Variants in POM121C observed in about 807,000 individuals in gnomAD.
The protein encoded by POM121C is nuclear envelope pore membrane protein POM 121C.
A neutral mutation model predicts 66.4 loss-of-function variants in POM121C; 20 were observed. The ratio of observed to expected loss-of-function variants is 0.30; its 90% CI spans 0.21 to 0.44. The LOEUF is 0.44. Ranked by LOEUF, POM121C falls within the 20% of genes least tolerant of loss-of-function variation. POM121C has a pLI of 1.00. For missense variants in POM121C, 580 were observed against 1,225.7 expected (o/e 0.47, Z 7.87); for synonymous variants, 286 against 528.0 (o/e 0.54, Z 6.28).
intron 1 of POM121C, among the ~76,000 whole-genome samples, chr7:75,484,509 A>G (rs1792434746): frequency 6.6e-6 from 1 of 152,066 alleles, no homozygotes; most frequent in Non-Finnish European, 1.5e-5. Flanking sequence ...ACTTAAAAAT[A>G]ACAAAAAAAA....
Position 75,418,406 on chromosome 7 carries a change from C to A in POM121C, c.*390G>T. 1 of 1,015,868 alleles carries A rather than the reference C, an allele frequency of 9.8e-7. No individual in the cohort carries two copies. The highest frequency in any genetic ancestry group is 1.2e-6 in the Non-Finnish European group (1 of 849,696). The allele number at this position is 1,015,868 out of a possible 1,614,324, so 62.9% of individuals were successfully genotyped here. Reference sequence around the variant, plus strand: ...TTTCCCAAATCCCATCAGGTGCACACCACCGATCCAGGCGGGCTGGACCCT... The same window carrying A: ...TTTCCCAAATCCCATCAGGTGCACAACACCGATCCAGGCGGGCTGGACCCT... On this transcript the variant is annotated 3_prime_UTR_variant, in exon 15 of 15. Coordinates refer to ENST00000615331, the MANE Select transcript of POM121C (RefSeq NM_001099415.3).
intron 3 of POM121C, among the ~76,000 whole-genome samples, chr7:75,468,126 T>TAAAAAAAAAAA (rs368723160): frequency 4.7e-5 from 3 of 64,348 alleles, no homozygotes; most frequent in African/African-American, 7.8e-5. Flanking sequence ...AGACTCTGTC[T>TAAAAAAAAAAA]AAAAAAAAAA....
rs587775408 is a variant in POM121C at position 75,423,945 on chromosome 7, C to G, written c.1048+104G>C. On this transcript the variant is annotated intron_variant, in intron 12 of 14. Coordinates refer to ENST00000615331, the MANE Select transcript of POM121C (RefSeq NM_001099415.3). ...GTGTGCTGAGCCAGGGTGCGTTCGG[C>G]CTGCAGAGCAATCTCCAGCGACTGA... The G allele has an allele frequency of 8.7e-5, 132 of 1,521,868 alleles. No homozygotes were observed. In the South Asian group the frequency reaches 1.5e-3, roughly 17 times the overall value. 94.3% of individuals were successfully genotyped at this position (1,521,868 alleles called of 1,614,324 possible).
chr7:75,467,442 G>A (rs1426847602), intron 3 of POM121C, among the ~76,000 whole-genome samples: 1 of 141,242 alleles, frequency 7.1e-6, no homozygotes, highest in Non-Finnish European at 1.5e-5. Context: ...TGAGGCAGGA[G>A]AATGGTGTGA....
intron 1 of POM121C, among the ~76,000 whole-genome samples, chr7:75,484,840 C>G (rs1792456828): frequency 6.6e-6 from 1 of 151,968 alleles, no homozygotes; most frequent in Non-Finnish European, 1.5e-5. Context: ...CATTATACGG[C>G]TCATGTTTTT....
intron 12 of POM121C, among the ~76,000 whole-genome samples, chr7:75,423,628 C>T (rs587695793): frequency 5.2e-4 from 79 of 152,028 alleles, no homozygotes; most frequent in African/African-American, 1.7e-3. Context: ...GAGGTGTGCG[C>T]GCGCAGTGCC....
Position 75,424,068 on chromosome 7 carries a change from C to T in POM121C, c.1029G>A (p.Pro343=), listed in dbSNP as rs781955462. Residue 343 remains proline, a synonymous_variant, in exon 12 of 15, where the codon CCG becomes CCA. Transcript: ENST00000615331. ...GCTCACCTGGGCAGGGTGGCAGGCTCGGGGGAGTCTGCATCTTCTTCAAGC... is the reference window on the plus strand; with the variant it reads ...GCTCACCTGGGCAGGGTGGCAGGCTTGGGGGAGTCTGCATCTTCTTCAAGC... ...LESLKKMQTP[P]SLPPCPESAG... 7.4e-6 allele frequency: 12 copies of T among 1,611,514 alleles called. No individual in the cohort carries two copies. The highest frequency in any genetic ancestry group is 2.2e-5 in the South Asian group (2 of 90,968).
chr7:75,442,161 C>T (rs1554474112), intron 3 of POM121C: 10 of 1,327,376 alleles, frequency 7.5e-6, no homozygotes, highest in Non-Finnish European at 9.7e-6. Flanking sequence ...GAAGGCCTCC[C>T]GGAGGGTCGG....
At chr7:75,485,599 G>A (rs1792499825) in intron 1 of POM121C, among the ~76,000 whole-genome samples, 1 of 152,162 alleles carries the variant, frequency 6.6e-6, no homozygotes, top group South Asian at 2.1e-4. Context: ...GAGAGGAGGA[G>A]GAAGGACTGT....
intron 10 of POM121C, 131 bp from the exon 11 acceptor site, chr7:75,424,759 G>C: frequency 2.2e-6 from 3 of 1,353,230 alleles, no homozygotes; most frequent in Non-Finnish European, 3.2e-6. Context: ...AGGAGTTTGA[G>C]GCTGGCCTGG....
chr7:75,425,271 T>C (rs1789896132), intron 9 of POM121C, 76 bp from the exon 10 acceptor site: 5 of 936,350 alleles, frequency 5.3e-6, no homozygotes, highest in Non-Finnish European at 7.8e-6. Context: ...CCACTTCGCA[T>C]TTCACACTGA....
chr7:75,422,041 G>T lies in POM121C; in HGVS notation c.2211C>A (p.Ala737=), dbSNP rs117499978. 1 of 1,612,590 alleles carries T rather than the reference G, an allele frequency of 6.2e-7. No homozygotes were observed. Among genetic ancestry groups the T allele is most frequent in the African/African-American group, 1.3e-5 (1 of 74,936 alleles). ...GTGTGGGTGCAGTAGCCGGGGCCGG[G>T]GCTGCAGAGTTTCCAAAAGTGAAAG... The part of the protein sequence containing the change: ...GSSFTFGNSA[A]PAPATAPTPA... Residue 737 remains alanine (A), a synonymous_variant, in exon 13 of 15, where the codon GCC becomes GCA. Coordinates refer to ENST00000615331, the MANE Select transcript of POM121C (RefSeq NM_001099415.3).
At chr7:75,469,406 T>A (rs1457459231) in intron 3 of POM121C, among the ~76,000 whole-genome samples, 10 of 152,144 alleles carry the variant, frequency 6.6e-5, no homozygotes, top group African/African-American at 2.4e-4. Context: ...CCAGGTCTAC[T>A]TTCAAAATAC....
At chr7:75,438,368 C>A (rs1325738111) in intron 6 of POM121C, among the ~76,000 whole-genome samples, 3 of 152,224 alleles carry the variant, frequency 2.0e-5, no homozygotes. Flanking sequence ...TTTCAAGGGA[C>A]AGTCCTTTGG....
At chr7:75,468,759 T>G (rs144718784) in intron 3 of POM121C, among the ~76,000 whole-genome samples, 3,174 of 152,230 alleles carry the variant, frequency 0.021, 52 homozygotes, top group Non-Finnish European at 0.031. Flanking sequence ...CAGTGGGTCA[T>G]GCCTATAATC....
intron 6 of POM121C, among the ~76,000 whole-genome samples, chr7:75,438,388 G>A (rs1353308907): frequency 1.3e-5 from 2 of 152,126 alleles, no homozygotes; most frequent in African/African-American, 4.8e-5. Flanking sequence ...GTTTTTTGGA[G>A]ACCATTGTCC....
rs781869677 is a variant in POM121C, at chr7:75,424,123, A to C, written c.974T>G (p.Leu325Arg). The C allele has an allele frequency of 6.2e-7, 1 of 1,611,902 alleles. No homozygotes were observed. Among genetic ancestry groups the C allele is most frequent in the Non-Finnish European group, 8.5e-7 (1 of 1,179,834 alleles). The stretch of plus-strand genomic sequence containing the variant: ...TAACAGTGGGTTGGTGCTTGGGGCC[A>C]GGAGGGAGGTGGGTGGGGAGGCAGT... ...AATASPPTSLLAPSTNPLLES... is the reference protein window; with the variant it reads ...AATASPPTSLRAPSTNPLLES... Residue 325 changes from leucine (L) to arginine (R), a missense_variant, in exon 12 of 15, where the codon CTG (leucine) becomes CGG (arginine). By Grantham distance (102) the Leu-to-Arg change is moderately radical. Transcript: ENST00000615331.
intron 3 of POM121C, among the ~76,000 whole-genome samples, chr7:75,463,568 G>A (rs1367056005): frequency 2.7e-5 from 4 of 149,844 alleles, no homozygotes; most frequent in Non-Finnish European, 5.9e-5. Context: ...TGTAAAAGAA[G>A]ACACACTTTG....
At chr7:75,483,550 G>A (rs1386231816) in intron 1 of POM121C, among the ~76,000 whole-genome samples, 1 of 152,128 alleles carries the variant, frequency 6.6e-6, no homozygotes, top group Non-Finnish European at 1.5e-5. Flanking sequence ...CTGCAGACGT[G>A]AGCCAATTAA....
Sources: gnomAD v4.1 joint callset for allele counts (sites outside exome capture counted in the v4.1 genomes callset) on GRCh38, gnomAD v4.1.1 for gene constraint, MANE v1.5 for transcripts, NCBI Gene and HGNC (gene_info 2026-07-23, HGNC 2026-07-21) for gene names.